The following BIRC3 variants were observed in gnomAD, a reference collection of about 807,000 sequenced individuals.
The protein encoded by BIRC3 is baculoviral IAP repeat containing 3.
A neutral mutation model predicts 59.0 loss-of-function variants in BIRC3; 26 were observed. The ratio of observed to expected loss-of-function variants is 0.44; its 90% CI spans 0.32 to 0.61. BIRC3 has a LOEUF of 0.61. Ranked by LOEUF, BIRC3 falls within the 20% of genes least tolerant of loss-of-function variation. The probability of loss-of-function intolerance (pLI) is 0.04; values close to 1 mark genes in which losing one functional copy is unlikely to be tolerated. For synonymous variants in BIRC3, 243 were observed against 249.2 expected (o/e 0.98, Z 0.24); for missense variants, 641 against 711.5 (o/e 0.90, Z 1.13).
intron 6 of BIRC3, among the ~76,000 whole-genome samples, chr11:102,331,762 C>T (rs1482697500): frequency 6.6e-6 from 1 of 152,076 alleles, no homozygotes; most frequent in Non-Finnish European, 1.5e-5. Flanking sequence ...CTCGTGCCTC[C>T]TTCCCTTAGC....
chr11:102,325,263 A>G lies in BIRC3; in HGVS notation c.754A>G (p.Met252Val). The change falls in exon 2 of 9, where the codon ATG (methionine) becomes GTG (valine). Residue 252 changes from methionine to valine, a missense_variant. Physicochemically the swap from Met to Val is conservative, Grantham distance 21. Around this residue, in one of 4 missense-constraint regions of BIRC3, gnomAD observed 329 missense variants for 365.6 expected, o/e 0.90. Coordinates refer to ENST00000263464, the MANE Select transcript of BIRC3 (RefSeq NM_001165.5). ...TSRYTVSNLS[M>V]QTHAARFKTF... ...AAGATACACAGTTTCTAATCTGAGC[A>G]TGCAGACACATGCAGCCCGCTTTAA... 6.2e-7 allele frequency: 1 copy of G among 1,614,212 alleles called. No individual in the cohort carries two copies. The highest frequency in any genetic ancestry group is 8.5e-7 in the Non-Finnish European group (1 of 1,180,024).
rs768715905 is a variant in BIRC3, at chr11:102,328,878, A to AT, written c.1033-18dup. 210 of 209,478 alleles carry AT rather than the reference A, an allele frequency of 1.0e-3. No individual in the cohort carries two copies. The highest frequency in any genetic ancestry group is 2.2e-3 in the Middle Eastern group (1 of 454). The allele number at this position is 209,478 out of a possible 1,614,324, so 13.0% of individuals were successfully genotyped here. ...TTAATTTATATATATATATATATAT[A>AT]TATTTTTTTTTTCTGCAGCTGCTAT... On this transcript the variant is annotated intron_variant, in intron 4 of 8. Transcript: ENST00000263464.
intron 7 of BIRC3, 193 bp downstream of exon 7, chr11:102,336,413 G>A (rs113608797): frequency 3.3e-5 from 21 of 642,234 alleles, no homozygotes; most frequent in African/African-American, 1.3e-4. Context: ...ACAACGTGGC[G>A]AGACCCCATC....
Position 102,324,280 on chromosome 11 carries a change from G to C in BIRC3, c.-230G>C. 1 of 422,068 alleles carries C rather than the reference G, an allele frequency of 2.4e-6. No homozygotes were observed. Among genetic ancestry groups the C allele is most frequent in the East Asian group, 3.9e-5 (1 of 25,658 alleles). 26.1% of individuals were successfully genotyped at this position (422,068 alleles called of 1,614,324 possible). ...TACTCTGTAGCATCATGTTTACATT[G>C]TATGTATAAAGATTATACAAAGGTG... On this transcript the variant is annotated 5_prime_UTR_variant, in exon 2 of 9. Transcript: ENST00000263464.
At chr11:102,317,986 G>C (rs978382378) in intron 1 of BIRC3, among the ~76,000 whole-genome samples, 1 of 152,190 alleles carries the variant, frequency 6.6e-6, no homozygotes. Flanking sequence ...CCAAGCGGTG[G>C]TAGGAAGACA....
In BIRC3 at chr11:102,323,557, T is replaced by A. The variant is rs1379993036; in HGVS notation, c.-953T>A. On this transcript the variant is annotated 5_prime_UTR_variant, in exon 2 of 9. Coordinates refer to ENST00000263464, the MANE Select transcript of BIRC3 (RefSeq NM_001165.5). ...ATAGAATATTTAATTGTGTAAGATC[T>A]AATAGTATCATTATACTTAAGCAAT... 1 of 188,162 alleles carries A rather than the reference T, an allele frequency of 5.3e-6. No homozygotes were observed. The highest frequency in any genetic ancestry group is 2.3e-5 in the African/African-American group (1 of 42,844). 11.7% of individuals were successfully genotyped at this position (188,162 alleles called of 1,614,324 possible).
chr11:102,317,998 C>T (rs1950988897), intron 1 of BIRC3, among the ~76,000 whole-genome samples: 2 of 152,224 alleles, frequency 1.3e-5, no homozygotes, highest in Middle Eastern at 3.4e-3. Context: ...AGGAAGACAG[C>T]AGTTTTTGGT....
chr11:102,336,670 A>G, intron 7 of BIRC3, 90 bp from the exon 8 acceptor site: 3 of 1,200,018 alleles, frequency 2.5e-6, no homozygotes, highest in Non-Finnish European at 1.2e-6. Flanking sequence ...GTATTTGGCT[A>G]TAGTCTAAAG....
chr11:102,329,978 A>G (rs1330271562), intron 5 of BIRC3, among the ~76,000 whole-genome samples: 1 of 152,176 alleles, frequency 6.6e-6, no homozygotes, highest in Admixed American at 6.5e-5. Context: ...CAGGATAAAC[A>G]TAACTCCTGG....
At chr11:102,331,292 C>A in intron 6 of BIRC3, 51 bp downstream of exon 6, 1 of 1,492,926 alleles carries the variant, frequency 6.7e-7, no homozygotes, top group Non-Finnish European at 8.9e-7. Flanking sequence ...TGATATCAGT[C>A]TATATGTTAT....
Position 102,337,926 on chromosome 11 carries a change from C to A in BIRC3, c.*824C>A. 4.4e-6 allele frequency: 1 copy of A among 227,272 alleles called. No homozygotes were observed. The highest frequency in any genetic ancestry group is 8.8e-6 in the Non-Finnish European group (1 of 114,270). 14.1% of individuals were successfully genotyped at this position (227,272 alleles called of 1,614,324 possible). On this transcript the variant is annotated 3_prime_UTR_variant, in exon 9 of 9. Transcript: ENST00000263464. ...ATTATGGAATGCCTGAGACAAGAAT[C>A]AAACAGTCCCTTTAGTAAGTTTGTT... is the stretch of plus-strand genomic sequence containing the variant.
chr11:102,327,919 A>G (rs1015471299), intron 3 of BIRC3, 133 bp from the exon 4 acceptor site: 19 of 634,308 alleles, frequency 3.0e-5, no homozygotes, highest in South Asian at 6.2e-5. Flanking sequence ...ATGATCTTAA[A>G]TGATTCTGTG....
chr11:102,328,010 T>C, intron 3 of BIRC3, 42 bp from the exon 4 acceptor site: 1 of 1,461,716 alleles, frequency 6.8e-7, no homozygotes. Flanking sequence ...TCATTTCACT[T>C]GTATAAATAA....
chr11:102,337,553 C>A lies in BIRC3; in HGVS notation c.*451C>A, dbSNP rs369605039. 23 of 386,530 alleles carry A rather than the reference C, an allele frequency of 6.0e-5. No homozygotes were observed. The highest frequency in any genetic ancestry group is 4.3e-4 in the African/African-American group (21 of 48,460). 23.9% of individuals were successfully genotyped at this position (386,530 alleles called of 1,614,324 possible). A position where few individuals can be genotyped will look rare whatever the true frequency, so the allele number is the denominator to read the frequency against. On this transcript the variant is annotated 3_prime_UTR_variant, in exon 9 of 9. Coordinates refer to ENST00000263464, the MANE Select transcript of BIRC3 (RefSeq NM_001165.5). ...ATCCATCCTGGGCAGCATACTGAGA[C>A]CCTGCCTTTAAAAACAAACAGAACA...
chr11:102,336,616 T>C lies in BIRC3; in HGVS notation c.1580-144T>C, dbSNP rs1591526166. On this transcript the variant is annotated intron_variant, in intron 7 of 8. Coordinates refer to ENST00000263464, the MANE Select transcript of BIRC3 (RefSeq NM_001165.5). ...AAAAAATCAATCTAATTTATAGATA[T>C]TAGTTACATAAAAAGATTAAAGACT... 5 of 775,664 alleles carry C rather than the reference T, an allele frequency of 6.4e-6. No homozygotes were observed. In the East Asian group the frequency reaches 8.4e-5, roughly 13 times the overall value. 48.0% of individuals were successfully genotyped at this position (775,664 alleles called of 1,614,324 possible). A position where few individuals can be genotyped will look rare whatever the true frequency, so the allele number is the denominator to read the frequency against.
intron 4 of BIRC3, 88 bp downstream of exon 4, chr11:102,328,218 CAA>C: frequency 1.0e-6 from 1 of 966,278 alleles, no homozygotes; most frequent in African/African-American, 1.7e-5. Flanking sequence ...AGTGAAAAGA[CAA>C]GAGTTGTTTT....
At position 102,323,005 on chromosome 11, in the gene BIRC3, T is replaced by C. The variant is rs1951046492; in HGVS notation, c.-1505T>C. 1 of 200,748 alleles carries C rather than the reference T, an allele frequency of 5.0e-6. No individual in the cohort carries two copies. The highest frequency in any genetic ancestry group is 1.0e-5 in the Non-Finnish European group (1 of 97,522). The allele number at this position is 200,748 out of a possible 1,614,324, so 12.4% of individuals were successfully genotyped here. ...GAAATAATTTCTGACCAAAACTAAA[T>C]TGATGCAATTTGATTATCCATCTTA... is the stretch of plus-strand genomic sequence containing the variant. On this transcript the variant is annotated 5_prime_UTR_variant, in exon 2 of 9. Coordinates refer to ENST00000263464, the MANE Select transcript of BIRC3 (RefSeq NM_001165.5).
In BIRC3 at chr11:102,324,681, A is replaced by T. The variant is rs759088779; in HGVS notation, c.172A>T (p.Thr58Ser). 1.9e-6 allele frequency: 3 copies of T among 1,614,144 alleles called. No homozygotes were observed. The South Asian group carries it at 3.3e-5, about 18-fold the overall frequency. ...RSLARAGFYY[T>S]GVNDKVKCFC... ...TCTTGCTCGTGCTGGTTTCTATTAC[A>T]CTGGTGTGAATGACAAGGTCAAATG... The change falls in exon 2 of 9, where the codon ACT (threonine) becomes TCT (serine). Residue 58 changes from threonine to serine, a missense_variant. Physicochemically the swap from Thr to Ser is moderately conservative, Grantham distance 58 (BLOSUM62 1). Coordinates refer to ENST00000263464, the MANE Select transcript of BIRC3 (RefSeq NM_001165.5).
In BIRC3 at chr11:102,332,386, T is replaced by C. The variant is rs185997791; in HGVS notation, c.1324+1145T>C. On this transcript the variant is annotated intron_variant, in intron 6 of 8. Transcript: ENST00000263464. ...GGGAATTATATCACAAATGTTGATT[T>C]ACAGCTGCAACTAGCTGTGACCTCT... is the stretch of plus-strand genomic sequence containing the variant. 9.2e-5 allele frequency among the ~76,000 whole-genome samples: 14 copies of C among 152,344 alleles called. No homozygotes were observed. The East Asian group carries it at 2.7e-3, about 29-fold the overall frequency.
Sources: allele counts gnomAD v4.1 joint callset (sites outside exome capture counted in the v4.1 genomes callset), GRCh38; gene constraint gnomAD v4.1.1; regional missense constraint gnomAD v4.1.1; transcripts MANE v1.5; gene names NCBI Gene and HGNC (gene_info 2026-07-23, HGNC 2026-07-21).